GFI1B: variants seen among roughly 807,000 people sequenced by gnomAD.
GFI1B encodes zinc finger protein Gfi-1b.
A neutral mutation model predicts 35.3 loss-of-function variants in GFI1B; 20 were observed. That is an observed-to-expected ratio of 0.57 (90% confidence interval 0.40 to 0.82). The LOEUF (loss-of-function observed/expected upper bound fraction) is 0.82, where lower values mean the gene tolerates loss of function less well. Ranked by LOEUF, GFI1B falls within the 40% of genes least tolerant of loss-of-function variation. The probability of loss-of-function intolerance (pLI) is 0.00; values close to 1 mark genes in which losing one functional copy is unlikely to be tolerated. For synonymous variants in GFI1B, 178 were observed against 177.6 expected (o/e 1.00, Z -0.02); for missense variants, 430 against 446.3 (o/e 0.96, Z 0.33).
At chr9:132,971,632 G>A (rs994793058) in intron 1 of GFI1B, among the ~76,000 whole-genome samples, 2 of 152,180 alleles carry the variant, frequency 1.3e-5, no homozygotes, top group African/African-American at 4.8e-5. Context: ...GAGGGCAAGA[G>A]AGACAGAAGG....
chr9:132,992,606 C>T (rs1849322160), downstream of GFI1B, among the ~76,000 whole-genome samples: 1 of 152,118 alleles, frequency 6.6e-6, no homozygotes, highest in Non-Finnish European at 1.5e-5. Flanking sequence ...GTGAACATTC[C>T]TTTTTGAAGT....
At position 132,988,255 on chromosome 9, in the gene GFI1B, C is replaced by T. The variant is rs1282202528; in HGVS notation, c.297C>T (p.Pro99=). Residue 99 remains proline (P), a synonymous_variant, in exon 4 of 7, where the codon CCC becomes CCT. Transcript: ENST00000372122. The stretch of plus-strand genomic sequence containing the variant: ...GGGACTCTCCACTGTCCGACTCACC[C>T]CCATTCTACAAGCCTAGCTTCTCCT... ...QDGDSPLSDS[P]PFYKPSFSWD... 1 of 1,614,038 alleles carries T rather than the reference C, an allele frequency of 6.2e-7. No individual in the cohort carries two copies. The highest frequency in any genetic ancestry group is 2.2e-5 in the East Asian group (1 of 44,886).
intron 1 of GFI1B, among the ~76,000 whole-genome samples, chr9:132,950,818 GT>G (rs1023290974): frequency 6.9e-6 from 1 of 145,170 alleles, no homozygotes; most frequent in South Asian, 2.2e-4. Flanking sequence ...TTTGTATGGG[GT>G]TTTTTGTTGT....
intron 2 of GFI1B, 74 bp from the exon 3 acceptor site, chr9:132,987,208 G>C: frequency 6.7e-7 from 1 of 1,493,382 alleles, no homozygotes; most frequent in African/African-American, 1.4e-5. Flanking sequence ...CCTAGGAAGG[G>C]CGTGCCCTCC....
chr9:132,955,790 A>ATGTG (rs907980157), intron 1 of GFI1B, among the ~76,000 whole-genome samples: 1 of 141,758 alleles, frequency 7.1e-6, no homozygotes, highest in East Asian at 2.1e-4. Flanking sequence ...AACCAACGTG[A>ATGTG]TGTGTGTGTG....
intron 1 of GFI1B, among the ~76,000 whole-genome samples, chr9:132,955,808 A>ATG (rs3049917): frequency 0.03 from 4,467 of 146,478 alleles, 59 homozygotes; most frequent in African/African-American, 0.036. Flanking sequence ...GTGTGTGTGC[A>ATG]TGTGTGTGTG....
intron 4 of GFI1B, among the ~76,000 whole-genome samples, chr9:132,988,808 C>T (rs1184963261): frequency 6.6e-6 from 1 of 152,140 alleles, no homozygotes; most frequent in Non-Finnish European, 1.5e-5. Context: ...TATTCAGCCT[C>T]TAGATGAGGC....
At chr9:132,976,280 T>C (rs1252613028), upstream of GFI1B, among the ~76,000 whole-genome samples, 1 of 152,158 alleles carries the variant, frequency 6.6e-6, no homozygotes, top group Non-Finnish European at 1.5e-5. Flanking sequence ...AGCACTTCCA[T>C]AAAATCATGT....
intron 1 of GFI1B, among the ~76,000 whole-genome samples, chr9:132,985,753 T>G (rs1419135581): frequency 6.6e-6 from 1 of 152,234 alleles, no homozygotes; most frequent in African/African-American, 2.4e-5. Context: ...GCAAAGGGGA[T>G]AGGCCCAGAG....
intron 1 of GFI1B, among the ~76,000 whole-genome samples, chr9:132,986,011 G>A (rs1453628631): frequency 2.6e-5 from 4 of 152,312 alleles, no homozygotes; most frequent in African/African-American, 4.8e-5. Context: ...GCTTGTCTGA[G>A]CGTTTTCTAG....
upstream of GFI1B, among the ~76,000 whole-genome samples, chr9:132,975,910 G>T (rs1848621462): frequency 6.6e-6 from 1 of 152,190 alleles, no homozygotes; most frequent in Admixed American, 6.5e-5. Context: ...GGCTGTAAGG[G>T]CCTGGGTGAG....
intron 1 of GFI1B, among the ~76,000 whole-genome samples, chr9:132,950,091 G>A (rs1848177707): frequency 1.3e-5 from 2 of 152,144 alleles, no homozygotes; most frequent in African/African-American, 4.8e-5. Flanking sequence ...CAGCCTGAGT[G>A]ACAGAGTAAG....
At chr9:132,956,817 C>A (rs1410555269) in intron 1 of GFI1B, among the ~76,000 whole-genome samples, 2 of 152,146 alleles carry the variant, frequency 1.3e-5, no homozygotes, top group Admixed American at 6.5e-5. Flanking sequence ...GCTCAGGGCC[C>A]CTCACAAGGC....
At chr9:132,958,593 C>G (rs577654815) in intron 1 of GFI1B, among the ~76,000 whole-genome samples, 2 of 152,280 alleles carry the variant, frequency 1.3e-5, no homozygotes, top group South Asian at 4.2e-4. Context: ...GAAATCTGCC[C>G]CCATGATCTA....
chr9:132,989,902 A>T lies in GFI1B; in HGVS notation c.809A>T (p.His270Leu). The T allele has an allele frequency of 6.2e-7, 1 of 1,614,048 alleles. No homozygotes were observed. Among genetic ancestry groups the T allele is most frequent in the Non-Finnish European group, 8.5e-7 (1 of 1,179,936 alleles). The change falls in exon 6 of 7, where the codon CAC becomes CTC. Residue 270 changes from histidine to leucine, a missense_variant. Coordinates refer to ENST00000372122, the MANE Select transcript of GFI1B (RefSeq NM_001377304.1). The surrounding 1 kb of genome is among the most constrained non-coding windows in gnomAD (Gnocchi z 6.2). ...GACATGAAGAAGCACACCTACATCCACACAGGTGAGTGAGTCTCACCTGCC... is the reference window on the plus strand; with the variant it reads ...GACATGAAGAAGCACACCTACATCCTCACAGGTGAGTGAGTCTCACCTGCC... Reference protein sequence around the residue: ...KSDMKKHTYIHTGEKPHKCQV... With the variant: ...KSDMKKHTYILTGEKPHKCQV...
chr9:132,989,816 C>A lies in GFI1B; in HGVS notation c.723C>A (p.Ile241=), dbSNP rs1588442757. 6.2e-7 allele frequency: 1 copy of A among 1,614,074 alleles called. No homozygotes were observed. Among genetic ancestry groups the A allele is most frequent in the Non-Finnish European group, 8.5e-7 (1 of 1,179,852 alleles). ...RSSTLSTHLL[I]HSDTRPYPCQ... ...CCACGCTGTCCACCCACCTGCTCAT[C>A]CACTCAGACACGCGGCCCTACCCCT... Residue 241 remains isoleucine, a synonymous_variant, in exon 6 of 7, where the codon ATC becomes ATA. Coordinates refer to ENST00000372122, the MANE Select transcript of GFI1B (RefSeq NM_001377304.1). This position sits in a 1 kb window ranked among gnomAD's most constrained non-coding sequence, Gnocchi z 6.2.
chr9:132,992,464 G>A (rs530892047), downstream of GFI1B, among the ~76,000 whole-genome samples: 40 of 152,258 alleles, frequency 2.6e-4, no homozygotes, highest in Non-Finnish European at 4.9e-4. Flanking sequence ...GTGAGTTCCT[G>A]AACCTCTCTG....
At chr9:132,973,955 C>T (rs1053507051), upstream of GFI1B, among the ~76,000 whole-genome samples, 5 of 152,172 alleles carry the variant, frequency 3.3e-5, no homozygotes, top group East Asian at 9.6e-4. Flanking sequence ...TGCTTGTGAC[C>T]AGGCTGGGCC....
chr9:132,968,091 T>TTTAC (rs879640378), intron 1 of GFI1B, among the ~76,000 whole-genome samples: 18 of 49,264 alleles, frequency 3.7e-4, no homozygotes, highest in Admixed American at 9.4e-4. Context: ...CATTCTTTTA[T>TTTAC]TTATTTATTT....
Sources: gnomAD v4.1 joint callset for allele counts (sites outside exome capture counted in the v4.1 genomes callset) on GRCh38, gnomAD v4.1.1 for gene constraint, Gnocchi (gnomAD v3.1) non-coding constraint, MANE v1.5 for transcripts, NCBI Gene and HGNC (gene_info 2026-07-23, HGNC 2026-07-21) for gene names.